The following CCDC175 variants were observed in gnomAD, a reference collection of about 807,000 sequenced individuals.
The protein encoded by CCDC175 is coiled-coil domain containing 175.
A neutral mutation model predicts 114.6 loss-of-function variants in CCDC175; 100 were observed. The ratio of observed to expected loss-of-function variants is 0.87; its 90% confidence interval spans 0.74 to 1.03. The LOEUF (loss-of-function observed/expected upper bound fraction) is 1.03. CCDC175 is among the 50% of genes least tolerant of loss of function. The probability of loss-of-function intolerance (pLI) is 0.00; values close to 1 mark genes in which losing one functional copy is unlikely to be tolerated. For missense variants in CCDC175, 880 were observed against 917.8 expected (o/e 0.96, Z 0.53); for synonymous variants, 306 against 308.7 (o/e 0.99, Z 0.09).
intron 7 of CCDC175, among the ~76,000 whole-genome samples, chr14:59,554,514 G>T (rs964898065): frequency 1.3e-5 from 2 of 152,166 alleles, no homozygotes; most frequent in African/African-American, 4.8e-5. Flanking sequence ...GAGAAAGCAG[G>T]AAAGATCTAA....
At chr14:59,528,023 C>G (rs755265142) in intron 14 of CCDC175, among the ~76,000 whole-genome samples, 3 of 151,998 alleles carry the variant, frequency 2.0e-5, no homozygotes, top group Non-Finnish European at 2.9e-5. Context: ...TTTGTTGAAG[C>G]AAATTCTAGA....
chr14:59,543,638 T>C (rs943615708), intron 9 of CCDC175, among the ~76,000 whole-genome samples, 184 bp from the exon 10 acceptor site: 1 of 152,198 alleles, frequency 6.6e-6, no homozygotes, highest in Admixed American at 6.5e-5. Context: ...GGATTTTCTT[T>C]TTTTCAAATT....
intron 19 of CCDC175, 161 bp downstream of exon 19, chr14:59,510,485 T>C (rs1361830120): frequency 1.4e-6 from 1 of 734,138 alleles, no homozygotes; most frequent in East Asian, 2.8e-5. Flanking sequence ...TACAAGAGTA[T>C]TCAACCCCAA....
At chr14:59,574,424 G>T (rs923253510) in intron 2 of CCDC175, among the ~76,000 whole-genome samples, 7 of 152,144 alleles carry the variant, frequency 4.6e-5, no homozygotes, top group African/African-American at 1.7e-4. Flanking sequence ...GTCTTTGATA[G>T]GGGCCAGTTA....
At chr14:59,546,577 T>C (rs1012301022) in intron 8 of CCDC175, among the ~76,000 whole-genome samples, 3 of 152,192 alleles carry the variant, frequency 2.0e-5, no homozygotes, top group Non-Finnish European at 2.9e-5. Flanking sequence ...TGAAAACACT[T>C]ACTAACATAG....
chr14:59,565,148 C>T lies in CCDC175; in HGVS notation c.619G>A (p.Glu207Lys), dbSNP rs1346100000. Residue 207 changes from glutamate (E) to lysine (K), a missense_variant, in exon 5 of 20, where the codon GAA (glutamate) becomes AAA (lysine). Coordinates refer to ENST00000537690, the MANE Select transcript of CCDC175 (RefSeq NM_001164399.2). ...ETYTKINLKR[E>K]DIALQKKCIQ... The stretch of plus-strand genomic sequence containing the variant: ...CATTTTTTTTGCAATGCTATGTCTT[C>T]TCTCTTCAAGTTTATTTTGGTATAA... 6.5e-7 allele frequency: 1 copy of T among 1,537,824 alleles called. No individual in the cohort carries two copies. The highest frequency in any genetic ancestry group is 2.0e-5 in the Admixed American group (1 of 50,990).
rs1388016875 is a variant in CCDC175 at position 59,538,801 on chromosome 14, C to T, written c.1395G>A (p.Lys465=). 3 of 1,536,650 alleles carry T rather than the reference C, an allele frequency of 2.0e-6. No homozygotes were observed. In the African/African-American group the frequency reaches 4.1e-5, roughly 21 times the overall value. The stretch of plus-strand genomic sequence containing the variant: ...TTATCTTGGCTGTCCAACGTGCATG[C>T]TTTTTTCTCAAGCAAGCCATTTTCC... The part of the protein sequence containing the change: ...TQWKMACLRK[K]HARWTAKIKA... The change falls in exon 12 of 20, where the codon AAG becomes AAA. Residue 465 remains lysine (K), a synonymous_variant. Transcript: ENST00000537690.
At chr14:59,515,432 C>G (rs9671565) in intron 17 of CCDC175, among the ~76,000 whole-genome samples, 59,097 of 151,928 alleles carry the variant, frequency 0.39, 12,284 homozygotes, top group African/African-American at 0.52. Context: ...ATCTCACATG[C>G]AGAGACACAT....
intron 4 of CCDC175, among the ~76,000 whole-genome samples, chr14:59,565,575 C>T (rs150802958): frequency 0.011 from 1,620 of 152,038 alleles, 14 homozygotes; most frequent in Middle Eastern, 0.017. Context: ...GGGATGGTGG[C>T]GTGCTCCTGT....
At chr14:59,506,399 T>C (rs941670871) in intron 19 of CCDC175, among the ~76,000 whole-genome samples, 2 of 151,654 alleles carry the variant, frequency 1.3e-5, no homozygotes, top group African/African-American at 2.4e-5. Flanking sequence ...GTGATTCTCA[T>C]GCCTCAGCCT....
At chr14:59,556,279 C>A (rs1337546045) in intron 7 of CCDC175, among the ~76,000 whole-genome samples, 2 of 152,134 alleles carry the variant, frequency 1.3e-5, no homozygotes. Flanking sequence ...ACCAATGGAA[C>A]AGAAGAGAGC....
rs8008450 is a variant in CCDC175, at chr14:59,568,636, C to A, written c.356-256G>T. ...AGTCTGATAGTGCCTGATTCCCGCC[C>A]GTTCCATGCACTTCTCACCTCCTGC... On this transcript the variant is annotated intron_variant, in intron 3 of 19. Coordinates refer to ENST00000537690, the MANE Select transcript of CCDC175 (RefSeq NM_001164399.2). 4.0e-5 allele frequency among the ~76,000 whole-genome samples: 6 copies of A among 151,848 alleles called. No homozygotes were observed. The East Asian group carries it at 1.2e-3, about 29-fold the overall frequency.
At position 59,510,693 on chromosome 14, in the gene CCDC175, TC is replaced by T. The variant is rs1267006990; in HGVS notation, c.2257del (p.Glu753LysfsTer39). The T allele has an allele frequency of 1.6e-5, 25 of 1,537,122 alleles. No homozygotes were observed. The East Asian group carries it at 5.9e-4, about 36-fold the overall frequency. ...HVSTWLRGSLEGLRLLVEQES... is the reference protein window; with the variant it reads ...HVSTWLRGSLXGLRLLVEQES... ...CTGTTCCACAAGCAAACGCAGCCCT[TC>T]AAGACTCCCTCGTAGCCATGTACTG... On this transcript the variant is annotated frameshift_variant, in exon 19 of 20. Transcript: ENST00000537690. LOFTEE classifies it low-confidence loss of function (END_TRUNC).
At chr14:59,553,875 T>C (rs1253140304) in intron 7 of CCDC175, among the ~76,000 whole-genome samples, 5 of 152,180 alleles carry the variant, frequency 3.3e-5, no homozygotes, top group Admixed American at 6.5e-5. Flanking sequence ...AGAAGGCCAT[T>C]ACATAATGGT....
chr14:59,573,757 C>T (rs1595088174), intron 2 of CCDC175, among the ~76,000 whole-genome samples: 2 of 151,944 alleles, frequency 1.3e-5, no homozygotes, highest in South Asian at 4.1e-4. Flanking sequence ...GGATTACAGG[C>T]TCCCGCCACC....
intron 19 of CCDC175, among the ~76,000 whole-genome samples, chr14:59,506,583 C>A (rs958846260): frequency 1.3e-5 from 2 of 152,118 alleles, no homozygotes; most frequent in African/African-American, 4.8e-5. Context: ...CCACCACACC[C>A]AGCTGAGCAC....
intron 9 of CCDC175, among the ~76,000 whole-genome samples, chr14:59,544,162 T>C (rs1894958947): frequency 6.9e-6 from 1 of 145,134 alleles, no homozygotes; most frequent in African/African-American, 2.5e-5. Flanking sequence ...TTGATAAGGG[T>C]TTTTTTTGTT....
At chr14:59,535,759 A>C (rs1894354320) in intron 13 of CCDC175, among the ~76,000 whole-genome samples, 2 of 152,352 alleles carry the variant, frequency 1.3e-5, no homozygotes, top group South Asian at 4.1e-4. Flanking sequence ...AGTACTTATG[A>C]TGGCCTATAA....
Position 59,565,056 on chromosome 14 carries a change from C to G in CCDC175, c.711G>C (p.Leu237Phe), listed in dbSNP as rs77313499. 5,914 of 1,528,608 alleles carry G rather than the reference C, an allele frequency of 3.9e-3. 186 individuals are homozygous for G. In the African/African-American group the frequency reaches 0.071, roughly 18 times the overall value. 94.7% of individuals were successfully genotyped at this position (1,528,608 alleles called of 1,614,324 possible). Residue 237 changes from leucine (L) to phenylalanine (F), a missense_variant, in exon 5 of 20, where the codon TTG becomes TTC. Physicochemically the swap from Leu to Phe is conservative, Grantham distance 22 (BLOSUM62 0). Transcript: ENST00000537690. ...RAEYLIRKQE[L>F]TAQINEFENT... ...AAATCATGCCACTTACCTGTGCAGT[C>G]AACTCTTGTTTTCTTATTAGATATT...
Sources: allele counts gnomAD v4.1 joint callset (sites outside exome capture counted in the v4.1 genomes callset), GRCh38; gene constraint gnomAD v4.1.1; transcripts MANE v1.5; gene names NCBI Gene and HGNC (gene_info 2026-07-23, HGNC 2026-07-21).